SAMD4A: variants seen among roughly 807,000 people sequenced by gnomAD.
SAMD4A encodes sterile alpha motif domain containing 4A.
A neutral mutation model predicts 81.3 loss-of-function variants in SAMD4A; 33 were observed. The observed-to-expected ratio is 0.41, with a 90% CI of 0.31 to 0.54. SAMD4A has a LOEUF of 0.54. Ranked by LOEUF, SAMD4A falls within the 20% of genes least tolerant of loss-of-function variation. SAMD4A has a pLI of 0.37. For synonymous variants in SAMD4A, 389 were observed against 382.1 expected (o/e 1.02, Z -0.21); for missense variants, 854 against 951.1 (o/e 0.90, Z 1.34).
At chr14:54,685,948 C>G (rs559133815) in intron 2 of SAMD4A, 32 of 441,782 alleles carry the variant, frequency 7.2e-5, no homozygotes, top group African/African-American at 4.2e-4. Flanking sequence ...TAAACTATCT[C>G]TGGCCTGGAC....
intron 2 of SAMD4A, among the ~76,000 whole-genome samples, chr14:54,650,571 C>T (rs2035381673): frequency 6.6e-6 from 1 of 152,170 alleles, no homozygotes; most frequent in Non-Finnish European, 1.5e-5. Flanking sequence ...GCAGCTGTTT[C>T]TCTTTCTCCA....
At chr14:54,587,647 T>C (rs765330471) in intron 2 of SAMD4A, among the ~76,000 whole-genome samples, 2 of 152,222 alleles carry the variant, frequency 1.3e-5, no homozygotes, top group Admixed American at 1.3e-4. Context: ...GAGATGATCA[T>C]GTGATTTTTG....
At chr14:54,774,296 A>G (rs971074496) in intron 9 of SAMD4A, among the ~76,000 whole-genome samples, 2 of 152,258 alleles carry the variant, frequency 1.3e-5, no homozygotes, top group African/African-American at 2.4e-5. Context: ...GGATCGAAAA[A>G]TAATGTCGAA....
chr14:54,685,506 G>C (rs2036243527), intron 2 of SAMD4A, among the ~76,000 whole-genome samples: 1 of 152,222 alleles, frequency 6.6e-6, no homozygotes. Flanking sequence ...TTCATCTGTT[G>C]ATGGACATTT....
At chr14:54,740,446 G>A (rs1000667137) in intron 4 of SAMD4A, among the ~76,000 whole-genome samples, 3 of 152,232 alleles carry the variant, frequency 2.0e-5, no homozygotes, top group Admixed American at 2.0e-4. Flanking sequence ...CATATGGAAT[G>A]TGTCTTGCTC....
At chr14:54,736,402 C>T (rs200646652) in intron 3 of SAMD4A, among the ~76,000 whole-genome samples, 14 of 152,264 alleles carry the variant, frequency 9.2e-5, no homozygotes, top group African/African-American at 2.9e-4. Flanking sequence ...GCCCTTTCAC[C>T]GACAGGTAGC....
At position 54,605,419 on chromosome 14, in the gene SAMD4A, C is replaced by A. The variant is rs369856464; in HGVS notation, c.196+37307C>A. Among the ~76,000 whole-genome samples, 5 of 152,260 alleles carry A rather than the reference C, an allele frequency of 3.3e-5. No individual in the cohort carries two copies. In the East Asian group the frequency reaches 9.6e-4, roughly 29 times the overall value. On this transcript the variant is annotated intron_variant, in intron 2 of 12. Coordinates refer to ENST00000554335, the MANE Select transcript of SAMD4A (RefSeq NM_015589.6). ...TCTGATGTGAATTATTTGTTGCCATCTGAAGTTCCAAAGAGCCAAGATTGG... is the reference window on the plus strand; with the variant it reads ...TCTGATGTGAATTATTTGTTGCCATATGAAGTTCCAAAGAGCCAAGATTGG...
intron 9 of SAMD4A, among the ~76,000 whole-genome samples, chr14:54,771,760 AGAAGG>A (rs2139917560): frequency 6.6e-6 from 1 of 152,322 alleles, no homozygotes; most frequent in Admixed American, 6.5e-5. Context: ...TCCAAGAGGA[AGAAGG>A]CATTCGGAGG....
At chr14:54,722,936 C>T (rs945526671) in intron 3 of SAMD4A, among the ~76,000 whole-genome samples, 13 of 152,092 alleles carry the variant, frequency 8.5e-5, no homozygotes, top group African/African-American at 2.4e-4. Flanking sequence ...AATAAAATGT[C>T]GGCATTGCTC....
intron 11 of SAMD4A, among the ~76,000 whole-genome samples, chr14:54,781,733 C>G (rs2039003781): frequency 6.6e-6 from 1 of 152,188 alleles, no homozygotes; most frequent in African/African-American, 2.4e-5. Flanking sequence ...AAGGGTTGGC[C>G]TGGTGGTTTA....
chr14:54,572,874 T>C (rs1241700353), intron 2 of SAMD4A, among the ~76,000 whole-genome samples: 1 of 152,340 alleles, frequency 6.6e-6, no homozygotes, highest in Non-Finnish European at 1.5e-5. Flanking sequence ...AGAAATCTTT[T>C]CATTTAAAGG....
chr14:54,681,951 A>G (rs1412955698), intron 2 of SAMD4A: 19 of 985,366 alleles, frequency 1.9e-5, no homozygotes, highest in East Asian at 2.3e-4. Context: ...ATGCAGAGCC[A>G]TTGAAGACAG....
chr14:54,726,513 C>T (rs2037418939), intron 3 of SAMD4A, among the ~76,000 whole-genome samples: 1 of 152,110 alleles, frequency 6.6e-6, no homozygotes, highest in South Asian at 2.1e-4. Context: ...GAAAACAAAA[C>T]AAGATGCTCA....
At chr14:54,710,449 G>T (rs1361420351) in intron 3 of SAMD4A, among the ~76,000 whole-genome samples, 3 of 152,130 alleles carry the variant, frequency 2.0e-5, no homozygotes, top group Non-Finnish European at 4.4e-5. Flanking sequence ...GCACAGAAAG[G>T]TTAGGTAATG....
At chr14:54,780,717 A>G (rs190617724) in intron 11 of SAMD4A, among the ~76,000 whole-genome samples, 25 of 152,278 alleles carry the variant, frequency 1.6e-4, no homozygotes, top group African/African-American at 5.3e-4. Context: ...ATCATCTTAT[A>G]CCATGTTGTA....
chr14:54,778,434 C>A (rs1171588067), intron 11 of SAMD4A, among the ~76,000 whole-genome samples: 1 of 152,274 alleles, frequency 6.6e-6, no homozygotes, highest in East Asian at 1.9e-4. Context: ...TTCATGCAAA[C>A]CCTCTTGTTC....
intron 2 of SAMD4A, among the ~76,000 whole-genome samples, chr14:54,656,293 A>G (rs1188487156): frequency 6.6e-6 from 1 of 152,144 alleles, no homozygotes; most frequent in Non-Finnish European, 1.5e-5. Context: ...TTTAGAGTTG[A>G]CTATTCCTTG....
At chr14:54,688,790 C>T (rs987406025) in intron 2 of SAMD4A, among the ~76,000 whole-genome samples, 3 of 152,140 alleles carry the variant, frequency 2.0e-5, no homozygotes, top group Admixed American at 6.5e-5. Context: ...CAGCCTTACT[C>T]GATCCTCCAA....
intron 7 of SAMD4A, among the ~76,000 whole-genome samples, chr14:54,764,060 AT>A (rs1180538609): frequency 6.6e-6 from 1 of 152,206 alleles, no homozygotes; most frequent in African/African-American, 2.4e-5. Flanking sequence ...GTGTGCGCTC[AT>A]TCATAAAATC....
Sources: gnomAD v4.1 joint callset for allele counts (sites outside exome capture counted in the v4.1 genomes callset) on GRCh38, gnomAD v4.1.1 for gene constraint, MANE v1.5 for transcripts, NCBI Gene and HGNC (gene_info 2026-07-23, HGNC 2026-07-21) for gene names.